Variants in IQGAP2 observed in about 807,000 individuals in gnomAD.
IQGAP2 encodes the protein IQ motif containing GTPase activating protein 2.
Under a neutral mutation model 201.3 loss-of-function variants are expected in IQGAP2, and 173 were observed. The observed-to-expected ratio is 0.86, with a 90% CI of 0.76 to 0.98. The LOEUF (loss-of-function observed/expected upper bound fraction) is 0.98. Among genes scored for constraint, IQGAP2 ranks in the 50% least tolerant of loss-of-function variants. IQGAP2 has a pLI of 0.00. For missense variants in IQGAP2, 1,687 were observed against 1,864.8 expected (o/e 0.90, Z 1.76); for synonymous variants, 675 against 673.9 (o/e 1.00, Z -0.03).
chr5:76,429,860 GACACAC>G (rs56031811), intron 1 of IQGAP2, among the ~76,000 whole-genome samples: 170 of 144,502 alleles, frequency 1.2e-3, no homozygotes, highest in East Asian at 1.7e-3. Context: ...AGGAGACACA[GACACAC>G]ACACACACAC....
At chr5:76,567,280 C>T (rs1471685424) in intron 3 of IQGAP2, among the ~76,000 whole-genome samples, 2 of 152,152 alleles carry the variant, frequency 1.3e-5, no homozygotes, top group African/African-American at 2.4e-5. Context: ...TTTTTGAAGA[C>T]CGACATGACA....
chr5:76,618,562 C>A lies in IQGAP2; in HGVS notation c.1521+7379C>A, dbSNP rs1343644816. The A allele has an allele frequency of 2.5e-6, 4 of 1,614,056 alleles. No individual in the cohort carries two copies. The African/African-American group carries it at 4.0e-5, about 16-fold the overall frequency. ...TCCAAGGCAGAAAAGGGGAACTCTTCAAAAGAATTTGGGGGAGCTCCACGA... is the reference window on the plus strand; with the variant it reads ...TCCAAGGCAGAAAAGGGGAACTCTTAAAAAGAATTTGGGGGAGCTCCACGA... On this transcript the variant is annotated intron_variant, in intron 13 of 35. Coordinates refer to ENST00000274364, the MANE Select transcript of IQGAP2 (RefSeq NM_006633.5).
intron 2 of IQGAP2, chr5:76,510,745 G>A (rs776820043): frequency 2.0e-6 from 1 of 504,076 alleles, no homozygotes; most frequent in East Asian, 5.6e-5. Flanking sequence ...TGTACCTGGG[G>A]GCACCCACAC....
intron 23 of IQGAP2, among the ~76,000 whole-genome samples, chr5:76,669,561 T>A (rs552396840): frequency 2.6e-5 from 4 of 152,178 alleles, no homozygotes; most frequent in Non-Finnish European, 5.9e-5. Flanking sequence ...CCAACTAGGT[T>A]GACTAGTAAA....
chr5:76,642,466 TC>T (rs1751666348), intron 17 of IQGAP2, among the ~76,000 whole-genome samples: 2 of 152,164 alleles, frequency 1.3e-5, no homozygotes, highest in South Asian at 4.1e-4. Flanking sequence ...CGCCTTTTTT[TC>T]AGTCTTCTGA....
At position 76,423,293 on chromosome 5, in the gene IQGAP2, C is replaced by T. The variant is rs114276266; in HGVS notation, c.46+19702C>T. On this transcript the variant is annotated intron_variant, in intron 1 of 35. Coordinates refer to ENST00000274364, the MANE Select transcript of IQGAP2 (RefSeq NM_006633.5). ...GTGAGTTACTGGGGTTGGCTGGTACCTGCTATTAAAATGGTGCTGGTACCC... is the reference window on the plus strand; with the variant it reads ...GTGAGTTACTGGGGTTGGCTGGTACTTGCTATTAAAATGGTGCTGGTACCC... 5.0e-3 allele frequency among the ~76,000 whole-genome samples: 766 copies of T among 152,206 alleles called. 11 individuals carry two copies. Among genetic ancestry groups the T allele is most frequent in the African/African-American group, 0.018 (729 of 41,538 alleles).
intron 13 of IQGAP2, chr5:76,617,818 A>G (rs113625367): frequency 2.0e-5 from 33 of 1,613,926 alleles, no homozygotes; most frequent in South Asian, 5.5e-5. Flanking sequence ...ACATACCACA[A>G]CCATCTATGA....
At chr5:76,657,695 T>C (rs1209120261) in intron 20 of IQGAP2, among the ~76,000 whole-genome samples, 1 of 152,152 alleles carries the variant, frequency 6.6e-6, no homozygotes, top group East Asian at 1.9e-4. Flanking sequence ...TCCCTAAGCA[T>C]GTTAAAAATA....
chr5:76,541,981 C>T (rs774291151), intron 2 of IQGAP2, among the ~76,000 whole-genome samples: 42 of 152,018 alleles, frequency 2.8e-4, no homozygotes, highest in Non-Finnish European at 4.9e-4. Context: ...TTTTTGTGTG[C>T]GTGTATGTGT....
At chr5:76,532,792 A>C (rs6886903) in intron 2 of IQGAP2, among the ~76,000 whole-genome samples, 116,292 of 152,106 alleles carry the variant, frequency 0.76, 44,928 homozygotes, top group Non-Finnish European at 0.81. Flanking sequence ...TCTTTGCCCC[A>C]ACACCCACAG....
chr5:76,529,185 T>C lies in IQGAP2; in HGVS notation c.147-33211T>C, dbSNP rs148333820. On this transcript the variant is annotated intron_variant, in intron 2 of 35. Coordinates refer to ENST00000274364, the MANE Select transcript of IQGAP2 (RefSeq NM_006633.5). ...AAGTATGACTGATATCTGGTTAGTT[T>C]CTTTGTTTTGTCTTTCTTGAGCTGC... 8.5e-5 allele frequency among the ~76,000 whole-genome samples: 13 copies of C among 152,312 alleles called. 1 individual carries two copies. The East Asian group carries it at 2.5e-3, about 29-fold the overall frequency.
At chr5:76,617,995 C>T in intron 13 of IQGAP2, 1 of 1,614,070 alleles carries the variant, frequency 6.2e-7, no homozygotes, top group Non-Finnish European at 8.5e-7. Context: ...TCTGGCTGAA[C>T]AAGATAATAT....
At chr5:76,450,805 C>T (rs1350170895) in intron 1 of IQGAP2, among the ~76,000 whole-genome samples, 1 of 152,132 alleles carries the variant, frequency 6.6e-6, no homozygotes, top group African/African-American at 2.4e-5. Context: ...GCCTAGGTGG[C>T]TTTAGTCCTG....
intron 13 of IQGAP2, among the ~76,000 whole-genome samples, chr5:76,612,209 A>G (rs1447741661): frequency 6.6e-6 from 1 of 152,172 alleles, no homozygotes. Flanking sequence ...GTGACCGGGC[A>G]CAGTAGCTCA....
At chr5:76,672,068 T>C in intron 24 of IQGAP2, 85 bp downstream of exon 24, 1 of 1,023,232 alleles carries the variant, frequency 9.8e-7, no homozygotes, top group East Asian at 2.6e-5. Flanking sequence ...TAAACTTTGT[T>C]AGGCGAACTG....
At chr5:76,660,560 C>T (rs1743159632) in intron 21 of IQGAP2, among the ~76,000 whole-genome samples, 1 of 152,158 alleles carries the variant, frequency 6.6e-6, no homozygotes. Context: ...CAAATCAGTA[C>T]ATAGTTTAAA....
chr5:76,666,896 A>G (rs1470445963), intron 22 of IQGAP2, among the ~76,000 whole-genome samples: 3 of 152,150 alleles, frequency 2.0e-5, no homozygotes, highest in Admixed American at 2.0e-4. Context: ...GACACCTGCC[A>G]CAATGCCTGG....
At chr5:76,405,277 G>A (rs1207218513) in intron 1 of IQGAP2, among the ~76,000 whole-genome samples, 8 of 152,198 alleles carry the variant, frequency 5.3e-5, no homozygotes, top group Non-Finnish European at 8.8e-5. Context: ...TCCAGAAGAA[G>A]CTATCAAGGG....
At chr5:76,467,928 G>A (rs980272005) in intron 2 of IQGAP2, among the ~76,000 whole-genome samples, 3 of 152,132 alleles carry the variant, frequency 2.0e-5, no homozygotes, top group Non-Finnish European at 4.4e-5. Context: ...AGACAAAGTA[G>A]ATTAGTGATT....
Sources: allele counts gnomAD v4.1 joint callset (sites outside exome capture counted in the v4.1 genomes callset), GRCh38; gene constraint gnomAD v4.1.1; transcripts MANE v1.5; gene names NCBI Gene and HGNC (gene_info 2026-07-23, HGNC 2026-07-21).